The following FAM135A variants were observed in gnomAD, a reference collection of about 807,000 sequenced individuals.
The protein encoded by FAM135A is family with sequence similarity 135 member A.
Under a neutral mutation model 146.8 loss-of-function variants are expected in FAM135A, and 79 were observed. The ratio of observed to expected loss-of-function variants is 0.54; its 90% CI spans 0.45 to 0.65. The LOEUF (loss-of-function observed/expected upper bound fraction) is 0.65, where lower values mean the gene tolerates loss of function less well. Ranked by LOEUF, FAM135A falls within the 30% of genes least tolerant of loss-of-function variation. The probability of loss-of-function intolerance (pLI) is 0.00; values close to 1 mark genes in which losing one functional copy is unlikely to be tolerated. For missense variants in FAM135A, 1,623 were observed against 1,758.2 expected, an observed-to-expected ratio of 0.92 and a Z score of 1.38; for synonymous variants, 562 against 603.6, an observed-to-expected ratio of 0.93 and a Z score of 1.01.
At chr6:70,461,062 G>C (rs1779350758) in intron 5 of FAM135A, among the ~76,000 whole-genome samples, 1 of 151,878 alleles carries the variant, frequency 6.6e-6, no homozygotes, top group Admixed American at 6.6e-5. Context: ...CACCTCAAGT[G>C]ATCCGCTGCC....
Position 70,524,137 on chromosome 6 carries a change from C to T in FAM135A, c.1258+16C>T, listed in dbSNP as rs776755738. 6.3e-7 allele frequency: 1 copy of T among 1,593,424 alleles called. No homozygotes were observed. The highest frequency in any genetic ancestry group is 1.1e-5 in the South Asian group (1 of 89,122). On this transcript the variant is annotated intron_variant, in intron 14 of 21. Coordinates refer to ENST00000418814, the MANE Select transcript of FAM135A (RefSeq NM_001162529.3). ...GTTACTGAAGGTAAGTGTAATCTAA[C>T]TAAAATATACAAGCTATGTGTATAG...
chr6:70,413,580 G>A lies in FAM135A; in HGVS notation c.-342G>A, dbSNP rs1766743626. On this transcript the variant is annotated 5_prime_UTR_variant, in exon 1 of 22. The change creates a new upstream start codon in the 5' untranslated region. Coordinates refer to ENST00000418814, the MANE Select transcript of FAM135A (RefSeq NM_001162529.3). ...CGCGGTTGCGGTGTTTGCGGTTGCT[G>A]TGATGGCGATGTGAGGGGGCCCGGG... 1 of 157,762 alleles carries A rather than the reference G, an allele frequency of 6.3e-6. No individual in the cohort carries two copies. The highest frequency in any genetic ancestry group is 1.4e-5 in the Non-Finnish European group (1 of 72,720). The allele number at this position is 157,762 out of a possible 1,614,324, so 9.8% of individuals were successfully genotyped here.
At chr6:70,454,944 T>C (rs1036850549) in intron 5 of FAM135A, among the ~76,000 whole-genome samples, 12 of 152,192 alleles carry the variant, frequency 7.9e-5, no homozygotes, top group African/African-American at 2.7e-4. Flanking sequence ...AATTTTAAAG[T>C]AGTTTTTTCC....
intron 5 of FAM135A, among the ~76,000 whole-genome samples, chr6:70,454,789 C>T (rs1308928787): frequency 6.6e-6 from 1 of 151,942 alleles, no homozygotes; most frequent in Non-Finnish European, 1.5e-5. Flanking sequence ...GTACCAGTGC[C>T]ATGCTGTTTT....
intron 5 of FAM135A, among the ~76,000 whole-genome samples, chr6:70,461,623 C>G (rs961234066): frequency 2.0e-5 from 3 of 151,998 alleles, no homozygotes; most frequent in African/African-American, 7.2e-5. Context: ...GAAACATGAA[C>G]TAGTATGACC....
intron 7 of FAM135A, among the ~76,000 whole-genome samples, chr6:70,476,389 G>A (rs1311931667): frequency 6.6e-6 from 1 of 152,130 alleles, no homozygotes; most frequent in Non-Finnish European, 1.5e-5. Context: ...CTGCATGTGG[G>A]ATAAGTAACT....
intron 4 of FAM135A, among the ~76,000 whole-genome samples, chr6:70,433,099 A>T (rs548489030): frequency 6.7e-6 from 1 of 149,584 alleles, no homozygotes; most frequent in African/African-American, 2.5e-5. Flanking sequence ...TTTTTAAGAC[A>T]GTCTTTGCTC....
intron 10 of FAM135A, among the ~76,000 whole-genome samples, chr6:70,482,388 TA>T (rs11337858): frequency 0.2 from 30,653 of 151,836 alleles, 3,398 homozygotes; most frequent in African/African-American, 0.29. Context: ...ATGAGTCTTT[TA>T]AAAAAAACAT....
intron 10 of FAM135A, among the ~76,000 whole-genome samples, chr6:70,486,476 A>G: frequency 6.6e-6 from 1 of 152,186 alleles, no homozygotes; most frequent in East Asian, 1.9e-4. Context: ...GTAAATGCAA[A>G]ACTCACTGGC....
At chr6:70,493,773 C>T (rs1209491327) in intron 11 of FAM135A, among the ~76,000 whole-genome samples, 2 of 152,090 alleles carry the variant, frequency 1.3e-5, no homozygotes, top group Non-Finnish European at 2.9e-5. Flanking sequence ...ATGTTTTTGG[C>T]CGGGTGCGGT....
At chr6:70,533,990 G>A (rs1582812071) in intron 18 of FAM135A, 136 bp downstream of exon 18, 1 of 419,116 alleles carries the variant, frequency 2.4e-6, no homozygotes, top group African/African-American at 2.1e-5. Context: ...GTGAAAAAAA[G>A]TAAAGATTTT....
chr6:70,460,438 A>AT (rs1779210857), intron 5 of FAM135A, among the ~76,000 whole-genome samples: 1 of 152,150 alleles, frequency 6.6e-6, no homozygotes, highest in African/African-American at 2.4e-5. Flanking sequence ...GGTTGCTGAC[A>AT]TTCATATCCT....
chr6:70,451,483 A>G (rs973081850), intron 4 of FAM135A, among the ~76,000 whole-genome samples: 1 of 152,080 alleles, frequency 6.6e-6, no homozygotes, highest in African/African-American at 2.4e-5. Context: ...CATGTTTTCA[A>G]GCAGTCCTCA....
chr6:70,503,985 T>A (rs2128259560), intron 12 of FAM135A: 1 of 152,334 alleles, frequency 6.6e-6, no homozygotes, highest in Admixed American at 6.5e-5. Context: ...CATACCAGTT[T>A]CTCTGAAATA....
At chr6:70,527,372 T>G (rs9455145) in intron 15 of FAM135A, among the ~76,000 whole-genome samples, 3,255 of 152,130 alleles carry the variant, frequency 0.021, 108 homozygotes, top group African/African-American at 0.074. Context: ...TGTATATATA[T>G]AGAGAGAGAT....
At chr6:70,559,239 G>A (rs531306351) in intron 21 of FAM135A, among the ~76,000 whole-genome samples, 3 of 152,088 alleles carry the variant, frequency 2.0e-5, no homozygotes, top group African/African-American at 7.2e-5. Flanking sequence ...TCAGGAGTTC[G>A]AGACCAGCCT....
chr6:70,517,830 T>C (rs1408832824), intron 12 of FAM135A, among the ~76,000 whole-genome samples: 2 of 152,344 alleles, frequency 1.3e-5, no homozygotes, highest in Non-Finnish European at 2.9e-5. Context: ...TATATGACAG[T>C]GAACTTAATA....
At chr6:70,485,871 A>G (rs1021454187) in intron 10 of FAM135A, among the ~76,000 whole-genome samples, 5 of 152,226 alleles carry the variant, frequency 3.3e-5, no homozygotes, top group Admixed American at 1.3e-4. Context: ...ATGAACCCCA[A>G]TATCTACACT....
chr6:70,442,468 A>G (rs1216445838), intron 4 of FAM135A, among the ~76,000 whole-genome samples: 1 of 152,112 alleles, frequency 6.6e-6, no homozygotes, highest in African/African-American at 2.4e-5. Context: ...CACTATATTG[A>G]GATAGATCTT....
Sources: allele counts gnomAD v4.1 joint callset (sites outside exome capture counted in the v4.1 genomes callset), GRCh38; gene constraint gnomAD v4.1.1; transcripts MANE v1.5; gene names NCBI Gene and HGNC (gene_info 2026-07-23, HGNC 2026-07-21).